The following EPB41L1 variants were observed in gnomAD, a reference collection of about 807,000 sequenced individuals.
EPB41L1 encodes band 4.1-like protein 1.
EPB41L1 carries 29 observed loss-of-function variants against 97.8 expected under a neutral mutation model. The observed-to-expected ratio is 0.30, with a 90% CI of 0.22 to 0.40. The LOEUF (loss-of-function observed/expected upper bound fraction) is 0.40, where lower values mean the gene tolerates loss of function less well. EPB41L1 is among the 10% of genes least tolerant of loss of function. The pLI is 1.00. For missense variants in EPB41L1, 812 were observed against 1,162.3 expected (o/e 0.70, Z 4.38); for synonymous variants, 383 against 459.2 (o/e 0.83, Z 2.12).
chr20:36,103,824 T>G (rs1202052371), intron 1 of EPB41L1, among the ~76,000 whole-genome samples: 1 of 151,216 alleles, frequency 6.6e-6, no homozygotes, highest in Non-Finnish European at 1.5e-5. Flanking sequence ...TGCCTCAGCC[T>G]CCTGAGTAGC....
chr20:36,126,206 G>A (rs990554428), intron 2 of EPB41L1, among the ~76,000 whole-genome samples: 8 of 152,176 alleles, frequency 5.3e-5, no homozygotes, highest in Middle Eastern at 6.8e-3. Context: ...GCCTCCTGTG[G>A]GGACACCGTG....
intron 2 of EPB41L1, 26 bp downstream of exon 2, chr20:36,173,980 C>T: frequency 6.3e-7 from 1 of 1,598,134 alleles, no homozygotes; most frequent in Non-Finnish European, 8.5e-7. Context: ...CATGGGCGTA[C>T]CTTTCCTGCC....
At chr20:36,219,107 T>C (rs2063619306) in intron 18 of EPB41L1, 145 bp downstream of exon 18, 1 of 848,930 alleles carries the variant, frequency 1.2e-6, no homozygotes, top group Non-Finnish European at 1.9e-6. Flanking sequence ...CCTTTTCAGA[T>C]GCCCACAGGG....
intron 2 of EPB41L1, among the ~76,000 whole-genome samples, chr20:36,136,775 G>T (rs1401073212): frequency 1.3e-5 from 2 of 151,648 alleles, no homozygotes; most frequent in African/African-American, 4.9e-5. Context: ...TAAAAATGGG[G>T]TTCTTCTTTT....
rs554442312 is a variant in EPB41L1 at position 36,175,413 on chromosome 20, C to T, written c.178-138C>T. ...CACACCAGCCATGGACCCTAGTTGC[C>T]CTGTGGGTCTCAGACGGTAGCGACT... On this transcript the variant is annotated intron_variant, in intron 2 of 21. Coordinates refer to ENST00000338074, the MANE Select transcript of EPB41L1 (RefSeq NM_012156.2). 172 of 969,264 alleles carry T rather than the reference C, an allele frequency of 1.8e-4. 1 individual carries two copies. The South Asian group carries it at 2.2e-3, about 13-fold the overall frequency. 60.0% of individuals were successfully genotyped at this position (969,264 alleles called of 1,614,324 possible). A position where few individuals can be genotyped will look rare whatever the true frequency, so the allele number is the denominator to read the frequency against.
chr20:36,132,115 C>T (rs541163911), intron 2 of EPB41L1, among the ~76,000 whole-genome samples: 315 of 152,250 alleles, frequency 2.1e-3, no homozygotes, highest in South Asian at 2.7e-3. Flanking sequence ...CTGAGGACCC[C>T]TCCCTAGGTG....
rs751469934 is a variant in EPB41L1, at chr20:36,188,313, C to A, written c.874-34C>A. On this transcript the variant is annotated intron_variant, in intron 8 of 21. Coordinates refer to ENST00000338074, the MANE Select transcript of EPB41L1 (RefSeq NM_012156.2). ...GTAGGCTGTCCCCAGGCATGGACCC[C>A]GGGCCTCCCATTCCATGGTCTCTTC... The A allele has an allele frequency of 3.7e-6, 6 of 1,611,792 alleles. No homozygotes were observed. The South Asian group carries it at 6.6e-5, about 18-fold the overall frequency.
intron 1 of EPB41L1, among the ~76,000 whole-genome samples, chr20:36,161,127 G>C (rs974537827): frequency 6.6e-6 from 1 of 152,194 alleles, no homozygotes; most frequent in Non-Finnish European, 1.5e-5. Flanking sequence ...CTTGGAGGAG[G>C]CCATCTCTCT....
Position 36,195,264 on chromosome 20 carries a change from G to GTA in EPB41L1, c.1450-63_1450-62dup. ...TCCTTGCTGGACCAAGCCCATCGTGGTATCTCTAATCCATCTGCTCTACTG... is the reference window on the plus strand; with the variant it reads ...TCCTTGCTGGACCAAGCCCATCGTGGTATATCTCTAATCCATCTGCTCTACTG... On this transcript the variant is annotated intron_variant, in intron 12 of 21. Transcript: ENST00000338074. This position sits in a 1 kb window ranked among gnomAD's most constrained non-coding sequence, Gnocchi z 4.6. The GTA allele has an allele frequency of 6.2e-7, 1 of 1,600,356 alleles. No individual in the cohort carries two copies.
At chr20:36,160,697 C>T (rs1338486108) in intron 1 of EPB41L1, among the ~76,000 whole-genome samples, 2 of 152,200 alleles carry the variant, frequency 1.3e-5, no homozygotes, top group African/African-American at 2.4e-5. Flanking sequence ...GTGTATCCTT[C>T]CAGGATATTT....
In EPB41L1 at chr20:36,207,585, C is replaced by T; in HGVS notation, c.1669-1903C>T. 3.9e-6 allele frequency: 5 copies of T among 1,289,966 alleles called. No individual in the cohort carries two copies. The highest frequency in any genetic ancestry group is 3.0e-6 in the Non-Finnish European group (3 of 988,902). The allele number at this position is 1,289,966 out of a possible 1,614,324, so 79.9% of individuals were successfully genotyped here. A position where few individuals can be genotyped will look rare whatever the true frequency, so the allele number is the denominator to read the frequency against. ...AGCAGCAGCGGAGTACGCTCTCAGA[C>T]CTGGGCTTCGCCCAACTCCAGCCCC... On this transcript the variant is annotated intron_variant, in intron 14 of 21. Transcript: ENST00000338074. This position sits in a 1 kb window ranked among gnomAD's most constrained non-coding sequence, Gnocchi z 4.9.
chr20:36,191,309 C>T (rs1670820498), intron 11 of EPB41L1, among the ~76,000 whole-genome samples: 1 of 152,106 alleles, frequency 6.6e-6, no homozygotes, highest in South Asian at 2.1e-4. Context: ...CTTGGTCATT[C>T]TTTTGGTTCT....
chr20:36,146,639 A>C (rs78797479), intron 2 of EPB41L1, among the ~76,000 whole-genome samples: 5,798 of 152,262 alleles, frequency 0.038, 140 homozygotes, highest in Non-Finnish European at 0.056. Context: ...TGGATGGATG[A>C]AGAGAGGACT....
intron 1 of EPB41L1, among the ~76,000 whole-genome samples, chr20:36,102,714 C>T (rs544332281): frequency 6.6e-6 from 1 of 152,310 alleles, no homozygotes; most frequent in South Asian, 2.1e-4. Context: ...TTCAGAGATT[C>T]TGGACACAGC....
chr20:36,170,095 A>T (rs1193637459), intron 1 of EPB41L1, among the ~76,000 whole-genome samples: 1 of 152,196 alleles, frequency 6.6e-6, no homozygotes, highest in African/African-American at 2.4e-5. Context: ...TAGTGAGAGA[A>T]CCATGCTGTT....
chr20:36,128,625 A>G (rs1011617880), intron 2 of EPB41L1, among the ~76,000 whole-genome samples: 1 of 152,180 alleles, frequency 6.6e-6, no homozygotes, highest in Admixed American at 6.5e-5. Flanking sequence ...CAGGCTGCCC[A>G]GGAGGATGAC....
intron 1 of EPB41L1, among the ~76,000 whole-genome samples, chr20:36,111,442 C>T (rs1191999200): frequency 1.3e-5 from 2 of 152,146 alleles, no homozygotes; most frequent in African/African-American, 2.4e-5. Flanking sequence ...GAGAAAAGTA[C>T]TTACATACTT....
chr20:36,149,412 G>A (rs1176661420), intron 2 of EPB41L1, among the ~76,000 whole-genome samples: 6 of 152,200 alleles, frequency 3.9e-5, no homozygotes, highest in African/African-American at 9.6e-5. Flanking sequence ...TGGTTCCCAC[G>A]GTCTGGGCTG....
intron 14 of EPB41L1, among the ~76,000 whole-genome samples, chr20:36,203,046 C>G (rs556334618): frequency 8.5e-5 from 13 of 152,174 alleles, no homozygotes; most frequent in African/African-American, 2.9e-4. Context: ...ACCGACGGTC[C>G]CCTGGCTCCA....
Sources: gnomAD v4.1 joint callset for allele counts (sites outside exome capture counted in the v4.1 genomes callset) on GRCh38, gnomAD v4.1.1 for gene constraint, Gnocchi (gnomAD v3.1) non-coding constraint, MANE v1.5 for transcripts, NCBI Gene and HGNC (gene_info 2026-07-23, HGNC 2026-07-21) for gene names.